ATP6V1H: variants seen among roughly 807,000 people sequenced by gnomAD.
ATP6V1H encodes the protein ATPase H+ transporting V1 subunit H, also known as V-type proton ATPase subunit H.
In ATP6V1H, 39 loss-of-function variants were observed where a neutral mutation model predicts 71.7. The ratio of observed to expected loss-of-function variants is 0.54; its 90% CI spans 0.42 to 0.71. The LOEUF is 0.71. Among genes scored for constraint, ATP6V1H ranks in the 30% least tolerant of loss-of-function variants. The pLI, the probability that ATP6V1H is intolerant of heterozygous loss-of-function variation, is 0.00. For synonymous variants in ATP6V1H, 192 were observed against 199.3 expected (o/e 0.96, Z 0.31); for missense variants, 509 against 594.9 (o/e 0.86, Z 1.50).
At chr8:53,842,196 A>C (rs1811363251) in intron 1 of ATP6V1H, among the ~76,000 whole-genome samples, 1 of 152,242 alleles carries the variant, frequency 6.6e-6, no homozygotes, top group Non-Finnish European at 1.5e-5. Context: ...AAATTACTCA[A>C]ATTAAAATAC....
At chr8:53,724,561 C>T (rs1325553272) in intron 13 of ATP6V1H, among the ~76,000 whole-genome samples, 3 of 150,834 alleles carry the variant, frequency 2.0e-5, no homozygotes, top group African/African-American at 7.3e-5. Flanking sequence ...TCCCCACGGC[C>T]TGGAACACCC....
At chr8:53,828,566 A>G (rs1490261387) in intron 4 of ATP6V1H, among the ~76,000 whole-genome samples, 1 of 152,170 alleles carries the variant, frequency 6.6e-6, no homozygotes, top group Non-Finnish European at 1.5e-5. Flanking sequence ...TACATGAAAA[A>G]GTGCTCAGAG....
intron 13 of ATP6V1H, among the ~76,000 whole-genome samples, chr8:53,727,600 T>A (rs1806859169): frequency 6.6e-6 from 1 of 152,056 alleles, no homozygotes; most frequent in African/African-American, 2.4e-5. Flanking sequence ...ATCCAAAACC[T>A]CCCCAGTGAA....
chr8:53,764,975 T>C (rs1808400187), intron 11 of ATP6V1H, among the ~76,000 whole-genome samples: 3 of 152,126 alleles, frequency 2.0e-5, no homozygotes, highest in Non-Finnish European at 4.4e-5. Flanking sequence ...CATGGTGGTA[T>C]GTGCCTGTAG....
intron 7 of ATP6V1H, among the ~76,000 whole-genome samples, chr8:53,808,745 G>C (rs1021435869): frequency 1.3e-5 from 2 of 151,080 alleles, no homozygotes; most frequent in Non-Finnish European, 2.9e-5. Context: ...AAGTTGCAGT[G>C]AGCTGAGATC....
intron 13 of ATP6V1H, among the ~76,000 whole-genome samples, chr8:53,742,481 A>T (rs189963207): frequency 2.6e-5 from 4 of 152,302 alleles, no homozygotes; most frequent in Admixed American, 6.5e-5. Flanking sequence ...CAACTTAGCT[A>T]TGTGGCCTAC....
intron 8 of ATP6V1H, among the ~76,000 whole-genome samples, chr8:53,798,608 G>GAAAC (rs1403487720): frequency 1.1e-5 from 1 of 93,720 alleles, no homozygotes; most frequent in Non-Finnish European, 2.1e-5. Flanking sequence ...TGCAATGTGA[G>GAAAC]AAACACACAC....
At chr8:53,754,276 C>A (rs570702433) in intron 12 of ATP6V1H, among the ~76,000 whole-genome samples, 1 of 152,208 alleles carries the variant, frequency 6.6e-6, no homozygotes, top group African/African-American at 2.4e-5. Context: ...CAGTATCAAC[C>A]CCTCATTTCT....
At chr8:53,813,946 C>T (rs781285473) in intron 6 of ATP6V1H, among the ~76,000 whole-genome samples, 11 of 152,038 alleles carry the variant, frequency 7.2e-5, no homozygotes, top group Admixed American at 3.3e-4. Context: ...TCACCCCTTT[C>T]GCAGCTGGAC....
chr8:53,780,293 G>T (rs1809061293), intron 9 of ATP6V1H, among the ~76,000 whole-genome samples: 1 of 151,972 alleles, frequency 6.6e-6, no homozygotes, highest in South Asian at 2.1e-4. Flanking sequence ...CAAGATAATG[G>T]CATTTCAAAG....
At chr8:53,757,532 T>G (rs933693215) in intron 11 of ATP6V1H, among the ~76,000 whole-genome samples, 2 of 152,192 alleles carry the variant, frequency 1.3e-5, no homozygotes, top group African/African-American at 4.8e-5. Flanking sequence ...ACTTCTCAAT[T>G]CATTCTAAAA....
chr8:53,825,331 G>C (rs1412284846), intron 4 of ATP6V1H, among the ~76,000 whole-genome samples: 1 of 151,944 alleles, frequency 6.6e-6, no homozygotes, highest in African/African-American at 2.4e-5. Flanking sequence ...GCTACTGCCA[G>C]GCCTTGTTTT....
chr8:53,724,623 G>A (rs1326897166), intron 13 of ATP6V1H, among the ~76,000 whole-genome samples: 1 of 130,750 alleles, frequency 7.6e-6, no homozygotes, highest in Non-Finnish European at 1.6e-5. Flanking sequence ...CAGCCAAGAG[G>A]ACGAGGCCAC....
chr8:53,828,120 C>G (rs1259163401), intron 4 of ATP6V1H, among the ~76,000 whole-genome samples: 1 of 152,162 alleles, frequency 6.6e-6, no homozygotes, highest in East Asian at 1.9e-4. Context: ...CTTTGAGTAT[C>G]TACCCAACAA....
intron 10 of ATP6V1H, among the ~76,000 whole-genome samples, chr8:53,770,125 T>C (rs1309533132): frequency 1.3e-5 from 2 of 152,148 alleles, no homozygotes; most frequent in Non-Finnish European, 2.9e-5. Context: ...TAATATGTTA[T>C]GTAAAAGCAT....
intron 11 of ATP6V1H, among the ~76,000 whole-genome samples, chr8:53,758,840 T>C (rs935310868): frequency 3.3e-5 from 5 of 152,262 alleles, no homozygotes; most frequent in South Asian, 2.1e-4. Flanking sequence ...TTGGTGTCCA[T>C]AGCTGGCACT....
intron 13 of ATP6V1H, among the ~76,000 whole-genome samples, chr8:53,739,956 G>A (rs970726037): frequency 6.6e-6 from 1 of 152,130 alleles, no homozygotes; most frequent in Non-Finnish European, 1.5e-5. Context: ...TCTCAGTCAG[G>A]GTTATTTATA....
At chr8:53,726,560 T>C (rs1167659482) in intron 13 of ATP6V1H, among the ~76,000 whole-genome samples, 3 of 152,214 alleles carry the variant, frequency 2.0e-5, no homozygotes, top group Non-Finnish European at 4.4e-5. Flanking sequence ...CTTCAGAACA[T>C]TATTTGAAGA....
At chr8:53,770,687 T>A (rs1808623177) in intron 10 of ATP6V1H, among the ~76,000 whole-genome samples, 1 of 151,528 alleles carries the variant, frequency 6.6e-6, no homozygotes, top group African/African-American at 2.5e-5. Context: ...ATTAGCTTTA[T>A]GTAAATAGTA....
Sources: allele counts gnomAD v4.1 joint callset (sites outside exome capture counted in the v4.1 genomes callset), GRCh38; gene constraint gnomAD v4.1.1; transcripts MANE v1.5; gene names NCBI Gene and HGNC (gene_info 2026-07-23, HGNC 2026-07-21).